The following FMNL2 variants were observed in gnomAD, a reference collection of about 807,000 sequenced individuals.
FMNL2 encodes formin-like protein 2.
A neutral mutation model predicts 130.2 loss-of-function variants in FMNL2; 51 were observed. That is an observed-to-expected ratio of 0.39 (90% CI 0.31 to 0.49). The LOEUF (loss-of-function observed/expected upper bound fraction) is 0.49. Among genes scored for constraint, FMNL2 ranks in the 20% least tolerant of loss-of-function variants. FMNL2 has a pLI of 0.85. For synonymous variants in FMNL2, 465 were observed against 467.1 expected (o/e 1.00, Z 0.06); for missense variants, 977 against 1,316.2 (o/e 0.74, Z 3.99).
chr2:152,476,769 C>T (rs1394370109), intron 1 of FMNL2, among the ~76,000 whole-genome samples: 1 of 151,514 alleles, frequency 6.6e-6, no homozygotes. Flanking sequence ...GGGCGGAACA[C>T]CTTGTGTAAA....
At chr2:152,579,621 C>T (rs1300136038) in intron 8 of FMNL2, among the ~76,000 whole-genome samples, 1 of 152,126 alleles carries the variant, frequency 6.6e-6, no homozygotes, top group African/African-American at 2.4e-5. Flanking sequence ...TGGCTTGAAC[C>T]CAGGAAGTGG....
At chr2:152,590,203 A>T (rs1290840501) in intron 9 of FMNL2, among the ~76,000 whole-genome samples, 1 of 151,368 alleles carries the variant, frequency 6.6e-6, no homozygotes, top group East Asian at 1.9e-4. Flanking sequence ...TGCTTTTTAA[A>T]GTAGTTTTAT....
intron 10 of FMNL2, among the ~76,000 whole-genome samples, chr2:152,611,052 TTAAA>T (rs763629016): frequency 1.3e-5 from 2 of 152,214 alleles, no homozygotes; most frequent in African/African-American, 2.4e-5. Flanking sequence ...TAAAATATTT[TTAAA>T]GAGGCCGGGC....
chr2:152,591,231 G>A (rs552520658), intron 9 of FMNL2, among the ~76,000 whole-genome samples: 5 of 151,826 alleles, frequency 3.3e-5, no homozygotes, highest in East Asian at 1.9e-4. Context: ...GACTGGTCTC[G>A]AACTCCTGAC....
At chr2:152,348,261 T>C (rs1682242946) in intron 1 of FMNL2, among the ~76,000 whole-genome samples, 1 of 152,242 alleles carries the variant, frequency 6.6e-6, no homozygotes, top group African/African-American at 2.4e-5. Flanking sequence ...TGCTTTCATA[T>C]GTAGCTTTGT....
At position 152,381,965 on chromosome 2, in the gene FMNL2, A is replaced by G. The variant is rs182801917; in HGVS notation, c.117+46245A>G. On this transcript the variant is annotated intron_variant, in intron 1 of 25. Coordinates refer to ENST00000288670, the MANE Select transcript of FMNL2 (RefSeq NM_052905.4). ...AAGCAGGCATCATCACACCCAGCTA[A>G]TTTTTGTATTTTTTGTAGAGATGGG... Among the ~76,000 whole-genome samples, 66 of 151,986 alleles carry G rather than the reference A, an allele frequency of 4.3e-4. 1 individual carries two copies. In the East Asian group the frequency reaches 0.012, roughly 29 times the overall value.
At chr2:152,465,786 C>G (rs937846995) in intron 1 of FMNL2, among the ~76,000 whole-genome samples, 1 of 152,162 alleles carries the variant, frequency 6.6e-6, no homozygotes, top group Non-Finnish European at 1.5e-5. Flanking sequence ...CACTTTGCCT[C>G]GAGGGCACCT....
At chr2:152,359,176 G>A (rs1683013841) in intron 1 of FMNL2, among the ~76,000 whole-genome samples, 1 of 152,152 alleles carries the variant, frequency 6.6e-6, no homozygotes, top group African/African-American at 2.4e-5. Flanking sequence ...CCTTTGAGAT[G>A]AATATAGATT....
chr2:152,416,571 A>G (rs1463903376), intron 1 of FMNL2, among the ~76,000 whole-genome samples: 2 of 152,202 alleles, frequency 1.3e-5, no homozygotes, highest in African/African-American at 4.8e-5. Context: ...AGAATCAAAT[A>G]TGTTACTTCT....
At chr2:152,595,647 C>T (rs985656415) in intron 9 of FMNL2, among the ~76,000 whole-genome samples, 2 of 152,196 alleles carry the variant, frequency 1.3e-5, no homozygotes, top group Non-Finnish European at 2.9e-5. Context: ...TGGTGTCAGG[C>T]GTCCCAGACA....
chr2:152,366,492 A>G (rs60406021), intron 1 of FMNL2, among the ~76,000 whole-genome samples: 11,904 of 152,066 alleles, frequency 0.078, 510 homozygotes, highest in African/African-American at 0.1. Flanking sequence ...AACAACAAAA[A>G]GAATGAGAAC....
At chr2:152,473,602 C>A (rs954224777) in intron 1 of FMNL2, among the ~76,000 whole-genome samples, 3 of 152,066 alleles carry the variant, frequency 2.0e-5, no homozygotes, top group African/African-American at 7.2e-5. Flanking sequence ...TGATATTAGT[C>A]AAAAGTTCCT....
At chr2:152,567,355 T>C (rs1466636818) in intron 6 of FMNL2, among the ~76,000 whole-genome samples, 1 of 152,204 alleles carries the variant, frequency 6.6e-6, no homozygotes, top group Non-Finnish European at 1.5e-5. Context: ...CTAGCTCTTA[T>C]CTGGTCCTCT....
At chr2:152,425,560 A>C in intron 1 of FMNL2, among the ~76,000 whole-genome samples, 1 of 152,348 alleles carries the variant, frequency 6.6e-6, no homozygotes, top group Middle Eastern at 3.4e-3. Context: ...AGTCCTTCTA[A>C]TACTTGTTCT....
chr2:152,585,359 T>C (rs1035608439), intron 9 of FMNL2, among the ~76,000 whole-genome samples: 1 of 152,180 alleles, frequency 6.6e-6, no homozygotes, highest in Non-Finnish European at 1.5e-5. Flanking sequence ...TTCTTAGTTG[T>C]GTGGCAGTGT....
chr2:152,489,766 A>G (rs1265847190), intron 1 of FMNL2, among the ~76,000 whole-genome samples: 2 of 152,188 alleles, frequency 1.3e-5, no homozygotes, highest in Non-Finnish European at 2.9e-5. Flanking sequence ...CACTTTATAG[A>G]CTGAAACAAG....
chr2:152,607,006 GTTTTTTTTTTTTT>G (rs58237890), intron 9 of FMNL2, among the ~76,000 whole-genome samples: 5 of 84,886 alleles, frequency 5.9e-5, no homozygotes, highest in African/African-American at 1.7e-4. Context: ...TTTTTTTTTT[GTTTTTTTTTTTTT>G]TTTTTACCAT....
At chr2:152,390,687 C>T (rs3901192) in intron 1 of FMNL2, 443,762 of 764,950 alleles carry the variant, frequency 0.58, 132,174 homozygotes, top group South Asian at 0.69. Flanking sequence ...ACCATCCAAC[C>T]TTCTTTCCCA....
chr2:152,462,794 C>A (rs1378193503), intron 1 of FMNL2, among the ~76,000 whole-genome samples: 4 of 151,998 alleles, frequency 2.6e-5, no homozygotes, highest in Non-Finnish European at 2.9e-5. Flanking sequence ...GTGATGGAGT[C>A]CTGTCTTAAA....
Sources: gnomAD v4.1 joint callset for allele counts (sites outside exome capture counted in the v4.1 genomes callset) on GRCh38, gnomAD v4.1.1 for gene constraint, MANE v1.5 for transcripts, NCBI Gene and HGNC (gene_info 2026-07-23, HGNC 2026-07-21) for gene names.